IL1RAPL2: variants seen among roughly 807,000 people sequenced by gnomAD.
The protein encoded by IL1RAPL2 is interleukin 1 receptor accessory protein like 2, also known as X-linked interleukin-1 receptor accessory protein-like 2.
Under a neutral mutation model 44.1 loss-of-function variants are expected in IL1RAPL2, and 3 were observed. The ratio of observed to expected loss-of-function variants is 0.07; its 90% CI spans 0.03 to 0.18. IL1RAPL2 has a LOEUF of 0.18. Ranked by LOEUF, IL1RAPL2 falls within the 10% of genes least tolerant of loss-of-function variation. The pLI is 1.00. For missense variants in IL1RAPL2, 391 were observed against 496.4 expected (o/e 0.79, Z 2.02); for synonymous variants, 181 against 178.8 (o/e 1.01, Z -0.10).
chrX:105,629,790 CA>C (rs1305396765), intron 6 of IL1RAPL2, among the ~76,000 whole-genome samples: 1 of 111,507 alleles, frequency 9.0e-6, no homozygotes, highest in Non-Finnish European at 1.9e-5. Flanking sequence ...ATGGCTAATC[CA>C]AAATGCTAGA....
chrX:105,109,122 G>T (rs2032776072), intron 2 of IL1RAPL2, among the ~76,000 whole-genome samples: 1 of 111,885 alleles, frequency 8.9e-6, no homozygotes, highest in African/African-American at 3.3e-5. Context: ...TAGTCTACCT[G>T]TTTTGTGTTC....
intron 6 of IL1RAPL2, among the ~76,000 whole-genome samples, chrX:105,583,689 A>C (rs2037106102): frequency 9.0e-6 from 1 of 111,161 alleles, no homozygotes; most frequent in African/African-American, 3.3e-5. Context: ...TATGAATTAC[A>C]TTTATCTTTT....
At chrX:104,995,928 C>T (rs1778173562) in intron 2 of IL1RAPL2, among the ~76,000 whole-genome samples, 1 of 111,935 alleles carries the variant, frequency 8.9e-6, no homozygotes, top group Admixed American at 9.5e-5. Context: ...CCTACTCAGC[C>T]ACTCACATAT....
intron 2 of IL1RAPL2, among the ~76,000 whole-genome samples, chrX:104,841,674 C>A (rs976605860): frequency 4.5e-5 from 5 of 111,510 alleles, no homozygotes; most frequent in Admixed American, 2.9e-4. Context: ...ATGTGAAATT[C>A]TGGGTTGAAA....
intron 6 of IL1RAPL2, among the ~76,000 whole-genome samples, chrX:105,544,180 G>A (rs1202099093): frequency 9.0e-6 from 1 of 111,267 alleles, no homozygotes; most frequent in Non-Finnish European, 1.9e-5. Context: ...TATTATGAAT[G>A]GAATTGTTTT....
At chrX:105,259,787 G>A (rs1401933968) in intron 4 of IL1RAPL2, among the ~76,000 whole-genome samples, 1 of 111,632 alleles carries the variant, frequency 9.0e-6, no homozygotes, top group Non-Finnish European at 1.9e-5. Context: ...GAGGTTTTCA[G>A]TTGTCCTTGG....
At chrX:105,074,949 G>A (rs1345317394) in intron 2 of IL1RAPL2, among the ~76,000 whole-genome samples, 41 of 111,067 alleles carry the variant, frequency 3.7e-4, no homozygotes, top group East Asian at 2.0e-3. Flanking sequence ...GGGCTGAGAC[G>A]ATGGGGTTTT....
intron 7 of IL1RAPL2, among the ~76,000 whole-genome samples, chrX:105,725,401 G>A (rs1327235523): frequency 1.8e-5 from 2 of 111,505 alleles, no homozygotes; most frequent in Non-Finnish European, 3.8e-5. Context: ...GTCTTTGCTG[G>A]TTTGTTTTAG....
intron 6 of IL1RAPL2, among the ~76,000 whole-genome samples, chrX:105,647,875 G>A (rs1353901756): frequency 9.0e-6 from 1 of 111,364 alleles, no homozygotes; most frequent in Non-Finnish European, 1.9e-5. Flanking sequence ...ATCTTGCCAT[G>A]ACATCTGCTT....
chrX:104,595,948 G>A (rs190372742), intron 1 of IL1RAPL2, among the ~76,000 whole-genome samples: 4 of 109,508 alleles, frequency 3.7e-5, no homozygotes, highest in African/African-American at 1.3e-4. Context: ...CATTTAAAAA[G>A]CATTGCTTGA....
intron 2 of IL1RAPL2, among the ~76,000 whole-genome samples, chrX:104,901,199 CTTTTTTTTTT>C (rs1194148816): frequency 1.6e-3 from 52 of 32,123 alleles, no homozygotes; most frequent in African/African-American, 5.6e-3. Context: ...TCTTTTGCTT[CTTTTTTTTTT>C]TTTTTTTTTT....
chrX:104,957,294 A>G (rs777549123), intron 2 of IL1RAPL2, among the ~76,000 whole-genome samples: 11 of 112,066 alleles, frequency 9.8e-5, no homozygotes, highest in Non-Finnish European at 1.9e-4. Context: ...GTTCTTCAGA[A>G]TGCAAAGTCC....
chrX:105,706,511 C>A (rs1367714883), intron 6 of IL1RAPL2, among the ~76,000 whole-genome samples: 1 of 111,330 alleles, frequency 9.0e-6, no homozygotes, highest in Non-Finnish European at 1.9e-5. Flanking sequence ...AGAATAGAGG[C>A]AGTCAAGGAT....
intron 2 of IL1RAPL2, among the ~76,000 whole-genome samples, chrX:104,671,508 G>C (rs1054495871): frequency 2.7e-5 from 3 of 111,215 alleles, no homozygotes; most frequent in African/African-American, 9.8e-5. Flanking sequence ...CCTCTTCCAG[G>C]CAGAATTAAT....
chrX:105,692,837 A>G (rs1003414239), intron 6 of IL1RAPL2, among the ~76,000 whole-genome samples: 1 of 111,759 alleles, frequency 8.9e-6, no homozygotes, highest in African/African-American at 3.3e-5. Flanking sequence ...TTGCTCTAGT[A>G]GCAGTATGGA....
intron 6 of IL1RAPL2, among the ~76,000 whole-genome samples, chrX:105,654,457 G>T (rs1445105224): frequency 1.8e-5 from 2 of 111,473 alleles, no homozygotes; most frequent in Non-Finnish European, 3.8e-5. Flanking sequence ...TTGATATTTT[G>T]AATAAAGTTT....
chrX:104,671,441 C>A (rs1930600988), intron 2 of IL1RAPL2, among the ~76,000 whole-genome samples: 1 of 111,832 alleles, frequency 8.9e-6, no homozygotes, highest in Non-Finnish European at 1.9e-5. Flanking sequence ...CTTTGAAGAA[C>A]CATTTCAAAT....
intron 2 of IL1RAPL2, among the ~76,000 whole-genome samples, chrX:104,937,473 A>G (rs1231489013): frequency 8.9e-6 from 1 of 112,076 alleles, no homozygotes; most frequent in East Asian, 2.8e-4. Flanking sequence ...CAGTTACTAC[A>G]AACTCCCATT....
At chrX:104,657,135 G>A (rs981582636) in intron 1 of IL1RAPL2, among the ~76,000 whole-genome samples, 1 of 111,186 alleles carries the variant, frequency 9.0e-6, no homozygotes, top group Non-Finnish European at 1.9e-5. Context: ...TATCCAATTT[G>A]CCAGTTGGTG....
Sources: gnomAD v4.1 joint callset for allele counts (sites outside exome capture counted in the v4.1 genomes callset) on GRCh38, gnomAD v4.1.1 for gene constraint, MANE v1.5 for transcripts, NCBI Gene and HGNC (gene_info 2026-07-23, HGNC 2026-07-21) for gene names.